The following LRP1B variants were observed in gnomAD, a reference collection of about 807,000 sequenced individuals.
LRP1B encodes the protein LDL receptor related protein 1B, also known as low-density lipoprotein receptor-related protein 1B.
LRP1B carries 217 observed loss-of-function variants against 556.6 expected under a neutral mutation model. That is an observed-to-expected ratio of 0.39 (90% CI 0.35 to 0.44). The LOEUF is 0.44. LRP1B is among the 20% of genes least tolerant of loss of function. LRP1B has a pLI of 1.00. For missense variants in LRP1B, 5,053 were observed against 5,620.8 expected (o/e 0.90, Z 3.23); for synonymous variants, 2,047 against 1,865.8 (o/e 1.10, Z -2.50).
chr2:141,787,719 A>C (rs1297215929), intron 2 of LRP1B, among the ~76,000 whole-genome samples: 2 of 151,842 alleles, frequency 1.3e-5, no homozygotes, highest in Non-Finnish European at 2.9e-5. Flanking sequence ...TTTACTGTAC[A>C]TAAATTATAC....
intron 1 of LRP1B, among the ~76,000 whole-genome samples, chr2:142,049,075 T>C (rs957135060): frequency 2.2e-4 from 34 of 152,058 alleles, no homozygotes; most frequent in African/African-American, 7.7e-4. Context: ...TTTCATTAAA[T>C]GTATGAAGCT....
At chr2:141,391,693 G>T (rs1690055191) in intron 3 of LRP1B, among the ~76,000 whole-genome samples, 1 of 152,154 alleles carries the variant, frequency 6.6e-6, no homozygotes, top group Non-Finnish European at 1.5e-5. Context: ...AGAGGAAAGA[G>T]AAACTAGATG....
intron 35 of LRP1B, among the ~76,000 whole-genome samples, chr2:140,737,913 A>G (rs912011999): frequency 1.3e-5 from 2 of 152,210 alleles, no homozygotes; most frequent in African/African-American, 4.8e-5. Context: ...GCAGATTAAT[A>G]AAGCCTCAGG....
At chr2:141,153,337 AATATATT>A (rs1424762098) in intron 7 of LRP1B, among the ~76,000 whole-genome samples, 3 of 108,088 alleles carry the variant, frequency 2.8e-5, no homozygotes, top group African/African-American at 9.6e-5. Flanking sequence ...TTTATATAAT[AATATATT>A]ATATATTAGC....
intron 1 of LRP1B, among the ~76,000 whole-genome samples, chr2:141,814,100 G>A (rs1949010): frequency 0.092 from 13,966 of 152,172 alleles, 691 homozygotes; most frequent in Middle Eastern, 0.16. Flanking sequence ...GACTTTGCCT[G>A]TGGCCAATCA....
At chr2:141,569,055 A>G (rs1574088093) in intron 2 of LRP1B, among the ~76,000 whole-genome samples, 2 of 151,094 alleles carry the variant, frequency 1.3e-5, no homozygotes, top group African/African-American at 4.8e-5. Flanking sequence ...GGTGTGAGCC[A>G]CCGTGCCCGG....
At chr2:141,175,424 G>T (rs998403657) in intron 7 of LRP1B, among the ~76,000 whole-genome samples, 3 of 152,140 alleles carry the variant, frequency 2.0e-5, no homozygotes, top group African/African-American at 7.2e-5. Flanking sequence ...CATAGCAGCT[G>T]CTCCAGCTCC....
chr2:140,834,177 C>G (rs1415314838), intron 31 of LRP1B, among the ~76,000 whole-genome samples: 1 of 152,180 alleles, frequency 6.6e-6, no homozygotes. Context: ...CCTAACCATA[C>G]CTTCATTTGA....
intron 68 of LRP1B, among the ~76,000 whole-genome samples, chr2:140,373,720 G>C (rs1238757465): frequency 1.3e-5 from 2 of 152,104 alleles, no homozygotes. Flanking sequence ...TGTAGTGCGC[G>C]ATGATGGGCA....
At chr2:140,828,473 G>A (rs1399646185) in intron 31 of LRP1B, among the ~76,000 whole-genome samples, 9 of 148,916 alleles carry the variant, frequency 6.0e-5, no homozygotes, top group Non-Finnish European at 1.0e-4. Flanking sequence ...GCCGGGCGTG[G>A]TAGCGGGCGC....
At chr2:141,630,441 A>T (rs1688866090) in intron 2 of LRP1B, among the ~76,000 whole-genome samples, 1 of 152,180 alleles carries the variant, frequency 6.6e-6, no homozygotes, top group African/African-American at 2.4e-5. Context: ...TTACATCTTG[A>T]ACTACCAGTT....
chr2:140,855,492 G>GC (rs1446373290), intron 27 of LRP1B, among the ~76,000 whole-genome samples: 1 of 11,606 alleles, frequency 8.6e-5, no homozygotes, highest in South Asian at 4.0e-3. Flanking sequence ...ATCTCTACTG[G>GC]GAAAAAAAAA....
intron 3 of LRP1B, among the ~76,000 whole-genome samples, chr2:141,372,660 TG>T (rs1438692102): frequency 1.3e-5 from 2 of 152,146 alleles, no homozygotes; most frequent in Non-Finnish European, 2.9e-5. Context: ...TTCTAGTTTG[TG>T]AGCATACAGA....
intron 6 of LRP1B, among the ~76,000 whole-genome samples, chr2:141,191,137 C>T (rs1455269560): frequency 6.6e-6 from 1 of 151,952 alleles, no homozygotes; most frequent in African/African-American, 2.4e-5. Context: ...TAACTTTCTA[C>T]TCTTCATCAT....
intron 66 of LRP1B, among the ~76,000 whole-genome samples, chr2:140,386,332 G>A (rs745448807): frequency 3.9e-5 from 6 of 152,112 alleles, no homozygotes; most frequent in South Asian, 4.1e-4. Context: ...CCAGCACTTC[G>A]GGAGGTTGTC....
chr2:140,529,432 A>AGG (rs201815905), intron 47 of LRP1B, among the ~76,000 whole-genome samples: 46 of 99,356 alleles, frequency 4.6e-4, no homozygotes, highest in Middle Eastern at 4.3e-3. Flanking sequence ...GAAGCTGAAA[A>AGG]GGGGGGGGGG....
chr2:141,830,662 C>T (rs1045691951), intron 1 of LRP1B, among the ~76,000 whole-genome samples: 1 of 151,660 alleles, frequency 6.6e-6, no homozygotes, highest in Non-Finnish European at 1.5e-5. Context: ...AACACCTGCA[C>T]TAGTGATTCA....
chr2:140,769,882 A>T (rs1363681606), intron 34 of LRP1B, among the ~76,000 whole-genome samples: 1 of 152,002 alleles, frequency 6.6e-6, no homozygotes, highest in African/African-American at 2.4e-5. Context: ...TCATACTAAG[A>T]ATACATCAAT....
intron 32 of LRP1B, among the ~76,000 whole-genome samples, chr2:140,781,033 G>T (rs79425009): frequency 6.6e-6 from 1 of 152,108 alleles, no homozygotes; most frequent in African/African-American, 2.4e-5. Flanking sequence ...GGTGGGTAGG[G>T]CTTCTAAGAG....
Sources: allele counts gnomAD v4.1 joint callset (sites outside exome capture counted in the v4.1 genomes callset), GRCh38; gene constraint gnomAD v4.1.1; transcripts MANE v1.5; gene names NCBI Gene and HGNC (gene_info 2026-07-23, HGNC 2026-07-21).